GABRB2: variants seen among roughly 807,000 people sequenced by gnomAD.
GABRB2 encodes the protein gamma-aminobutyric acid type A receptor subunit beta2, also known as gamma-aminobutyric acid receptor subunit beta-2.
A neutral mutation model predicts 54.7 loss-of-function variants in GABRB2; 16 were observed. That is an observed-to-expected ratio of 0.29 (90% CI 0.20 to 0.44). GABRB2 has a LOEUF of 0.44. GABRB2 is among the 20% of genes least tolerant of loss of function. GABRB2 has a pLI of 1.00. For missense variants in GABRB2, 355 were observed against 644.0 expected (o/e 0.55, Z 4.86); for synonymous variants, 244 against 233.8 (o/e 1.04, Z -0.40).
At chr5:161,531,447 A>G (rs1314095804) in intron 3 of GABRB2, among the ~76,000 whole-genome samples, 1 of 152,154 alleles carries the variant, frequency 6.6e-6, no homozygotes, top group East Asian at 1.9e-4. Flanking sequence ...AAGAAAATTC[A>G]ATACTGATTT....
intron 7 of GABRB2, among the ~76,000 whole-genome samples, chr5:161,332,518 C>T (rs1213179673): frequency 2.0e-5 from 3 of 152,136 alleles, no homozygotes; most frequent in African/African-American, 7.2e-5. Context: ...TAGTTTCCCT[C>T]TAAGCTGTAA....
At chr5:161,300,149 C>A (rs1000626116) in intron 9 of GABRB2, among the ~76,000 whole-genome samples, 1 of 152,096 alleles carries the variant, frequency 6.6e-6, no homozygotes, top group Non-Finnish European at 1.5e-5. Flanking sequence ...ATTGACAGGA[C>A]CTTTTACATG....
intron 4 of GABRB2, among the ~76,000 whole-genome samples, chr5:161,434,646 T>C (rs1450860263): frequency 6.6e-6 from 1 of 152,160 alleles, no homozygotes; most frequent in East Asian, 1.9e-4. Context: ...CTTTAAGTTG[T>C]CCCCTATGTC....
At chr5:161,354,235 A>T (rs2113440220) in intron 5 of GABRB2, among the ~76,000 whole-genome samples, 1 of 152,154 alleles carries the variant, frequency 6.6e-6, no homozygotes. Flanking sequence ...GTACCAGCTG[A>T]TTCTGATACA....
At chr5:161,302,391 G>T (rs893648808) in intron 9 of GABRB2, among the ~76,000 whole-genome samples, 2 of 152,176 alleles carry the variant, frequency 1.3e-5, no homozygotes, top group African/African-American at 4.8e-5. Context: ...GTTTAGGCTT[G>T]CTGCTTCCCT....
At chr5:161,339,001 A>G (rs1332880820) in intron 5 of GABRB2, among the ~76,000 whole-genome samples, 1 of 152,090 alleles carries the variant, frequency 6.6e-6, no homozygotes, top group African/African-American at 2.4e-5. Context: ...TATGGTGACA[A>G]AATACTCAGT....
At chr5:161,347,853 A>G (rs886490635) in intron 5 of GABRB2, among the ~76,000 whole-genome samples, 5 of 151,960 alleles carry the variant, frequency 3.3e-5, no homozygotes, top group East Asian at 1.9e-4. Context: ...AAAACAAACC[A>G]TTTTTTTCCC....
At chr5:161,444,732 T>C (rs1396843639) in intron 4 of GABRB2, among the ~76,000 whole-genome samples, 1 of 152,144 alleles carries the variant, frequency 6.6e-6, no homozygotes, top group African/African-American at 2.4e-5. Flanking sequence ...ACCAATACAG[T>C]GAAATGCCAC....
Position 161,289,113 on chromosome 5 carries a change from T to A in GABRB2, c.*4968A>T, listed in dbSNP as rs1757163773. 6.6e-6 allele frequency: 1 copy of A among 152,056 alleles called. No individual in the cohort carries two copies. Among genetic ancestry groups the A allele is most frequent in the Non-Finnish European group, 1.5e-5 (1 of 68,010 alleles). 9.4% of individuals were successfully genotyped at this position (152,056 alleles called of 1,614,324 possible). A position where few individuals can be genotyped will look rare whatever the true frequency, so the allele number is the denominator to read the frequency against. ...TTTTTCATCATTTGAATCATATTGATCTTCATCACAAATAAAACTTCTTTA... is the reference window on the plus strand; with the variant it reads ...TTTTTCATCATTTGAATCATATTGAACTTCATCACAAATAAAACTTCTTTA... On this transcript the variant is annotated 3_prime_UTR_variant, in exon 10 of 10. Transcript: ENST00000393959.
At chr5:161,450,237 G>A (rs750923082) in intron 4 of GABRB2, among the ~76,000 whole-genome samples, 14 of 151,936 alleles carry the variant, frequency 9.2e-5, no homozygotes, top group African/African-American at 1.5e-4. Context: ...CTTTCATTCC[G>A]TTGAAATCAA....
intron 5 of GABRB2, among the ~76,000 whole-genome samples, chr5:161,338,142 C>T (rs1418796056): frequency 6.6e-6 from 1 of 151,970 alleles, no homozygotes; most frequent in African/African-American, 2.4e-5. Flanking sequence ...AAGTAGGATA[C>T]CTTCAATTGG....
At chr5:161,414,538 CA>C (rs982257557) in intron 4 of GABRB2, among the ~76,000 whole-genome samples, 13 of 152,008 alleles carry the variant, frequency 8.6e-5, no homozygotes, top group African/African-American at 2.9e-4. Flanking sequence ...AGCTTCCCAA[CA>C]CATAAATATG....
intron 4 of GABRB2, among the ~76,000 whole-genome samples, chr5:161,444,053 T>C (rs1014615851): frequency 6.6e-6 from 1 of 152,156 alleles, no homozygotes. Flanking sequence ...AATCAATGTA[T>C]AGGTCCAGTC....
At chr5:161,448,882 G>T (rs1321275036) in intron 4 of GABRB2, among the ~76,000 whole-genome samples, 1 of 152,092 alleles carries the variant, frequency 6.6e-6, no homozygotes, top group African/African-American at 2.4e-5. Context: ...GTATTTATAA[G>T]AAAAGCAATG....
chr5:161,433,436 C>T (rs779188257), intron 4 of GABRB2, among the ~76,000 whole-genome samples: 1 of 125,912 alleles, frequency 7.9e-6, no homozygotes, highest in South Asian at 2.4e-4. Flanking sequence ...CCTGTCTCTA[C>T]TAAAAATACA....
chr5:161,486,982 C>CA (rs1277065607), intron 3 of GABRB2, among the ~76,000 whole-genome samples: 10 of 151,852 alleles, frequency 6.6e-5, no homozygotes, highest in Non-Finnish European at 5.9e-5. Flanking sequence ...TTCAATTTAG[C>CA]AACAAGACTA....
At chr5:161,326,093 T>G (rs1758353352) in intron 9 of GABRB2, among the ~76,000 whole-genome samples, 1 of 152,026 alleles carries the variant, frequency 6.6e-6, no homozygotes. Context: ...ATGAAAAGGA[T>G]TCTCAAAATA....
At chr5:161,385,154 T>G (rs1004895964) in intron 5 of GABRB2, among the ~76,000 whole-genome samples, 1 of 152,158 alleles carries the variant, frequency 6.6e-6, no homozygotes, top group Non-Finnish European at 1.5e-5. Context: ...TCTTTTAAAC[T>G]AAGAGGCTCC....
At chr5:161,442,032 A>G (rs2113211141) in intron 4 of GABRB2, among the ~76,000 whole-genome samples, 1 of 152,274 alleles carries the variant, frequency 6.6e-6, no homozygotes, top group Middle Eastern at 3.4e-3. Context: ...AAGAATGAAT[A>G]AGACCTATAG....
Sources: gnomAD v4.1 joint callset for allele counts (sites outside exome capture counted in the v4.1 genomes callset) on GRCh38, gnomAD v4.1.1 for gene constraint, MANE v1.5 for transcripts, NCBI Gene and HGNC (gene_info 2026-07-23, HGNC 2026-07-21) for gene names.